Variants in KLHL12 observed in about 807,000 individuals in gnomAD.
The protein encoded by KLHL12 is kelch-like protein 12.
In KLHL12, 17 loss-of-function variants were observed where a neutral mutation model predicts 60.8. The observed-to-expected ratio is 0.28, with a 90% CI of 0.19 to 0.42. The LOEUF is 0.42. KLHL12 is among the 10% of genes least tolerant of loss of function. The probability of loss-of-function intolerance (pLI) is 1.00; values close to 1 mark genes in which losing one functional copy is unlikely to be tolerated. For synonymous variants in KLHL12, 220 were observed against 250.9 expected, an observed-to-expected ratio of 0.88 and a Z score of 1.16; for missense variants, 468 against 722.3, an observed-to-expected ratio of 0.65 and a Z score of 4.04.
chr1:202,914,445 T>A (rs1291493866), intron 4 of KLHL12, among the ~76,000 whole-genome samples: 2 of 152,238 alleles, frequency 1.3e-5, no homozygotes, highest in Admixed American at 6.5e-5. Flanking sequence ...AAAACTTTTA[T>A]ATGATTGGAA....
At position 202,891,945 on chromosome 1, in the gene KLHL12, G is replaced by T. The variant is rs1399689148; in HGVS notation, c.*588C>A. ...ACTTCAATTCTGATATACAAATCCTGACCTCCAAAAGAAGTGTCAGATGAG... is the reference window on the plus strand; with the variant it reads ...ACTTCAATTCTGATATACAAATCCTTACCTCCAAAAGAAGTGTCAGATGAG... On this transcript the variant is annotated 3_prime_UTR_variant, in exon 12 of 12. Transcript: ENST00000367261. 1 of 151,978 alleles carries T rather than the reference G, an allele frequency of 6.6e-6. No homozygotes were observed. Among genetic ancestry groups the T allele is most frequent in the Non-Finnish European group, 1.5e-5 (1 of 68,012 alleles). 9.4% of individuals were successfully genotyped at this position (151,978 alleles called of 1,614,324 possible).
At chr1:202,928,365 A>C, upstream of KLHL12, 1 of 476,608 alleles carries the variant, frequency 2.1e-6, no homozygotes, top group Non-Finnish European at 4.0e-6. Context: ...GAATGTATCT[A>C]CAGCTCGGCG....
intron 8 of KLHL12, 124 bp from the exon 9 acceptor site, chr1:202,894,873 G>T: frequency 1.3e-6 from 1 of 747,368 alleles, no homozygotes; most frequent in Non-Finnish European, 2.2e-6. Flanking sequence ...TTTTAAATGA[G>T]ATAAGTCAAT....
At chr1:202,913,167 G>C (rs1660416578) in intron 4 of KLHL12, among the ~76,000 whole-genome samples, 1 of 151,960 alleles carries the variant, frequency 6.6e-6, no homozygotes, top group Non-Finnish European at 1.5e-5. Flanking sequence ...ATCATCTGGG[G>C]AACTTAGATC....
In KLHL12 at chr1:202,895,673, A is replaced by C. The variant is rs1659811939; in HGVS notation, c.984T>G (p.His328Gln). The C allele has an allele frequency of 6.2e-7, 1 of 1,614,218 alleles. No individual in the cohort carries two copies. The highest frequency in any genetic ancestry group is 8.5e-7 in the Non-Finnish European group (1 of 1,180,026). The change falls in exon 8 of 12, where the codon CAT (histidine) becomes CAG (glutamine). Residue 328 changes from histidine to glutamine, a missense_variant. Transcript: ENST00000367261. The surrounding 1 kb of genome is among the most constrained non-coding windows in gnomAD (Gnocchi z 4.2). ...AGCCACCAATGACGTAGATCCGGTCATGAAGGGACACTGAGGCCACATAAC... is the reference window on the plus strand; with the variant it reads ...AGCCACCAATGACGTAGATCCGGTCCTGAAGGGACACTGAGGCCACATAAC... ...KRRYVASVSL[H>Q]DRIYVIGGYD... is the part of the protein sequence containing the mutation.
At chr1:202,920,643 T>C (rs1318249105) in intron 2 of KLHL12, among the ~76,000 whole-genome samples, 2 of 152,106 alleles carry the variant, frequency 1.3e-5, no homozygotes, top group African/African-American at 4.8e-5. Context: ...CCCAAAGTGC[T>C]GGGATTACAG....
chr1:202,900,273 G>A (rs1185802497), intron 6 of KLHL12, among the ~76,000 whole-genome samples: 1 of 139,330 alleles, frequency 7.2e-6, no homozygotes, highest in Non-Finnish European at 1.5e-5. Context: ...GTCAGGCACA[G>A]TGGCTCATGA....
At chr1:202,927,936 C>T (rs2102469788), upstream of KLHL12, among the ~76,000 whole-genome samples, 1 of 145,690 alleles carries the variant, frequency 6.9e-6, no homozygotes, top group East Asian at 2.0e-4. Context: ...GCCGAGATCG[C>T]GCCATTGCAC....
At chr1:202,907,367 C>G (rs1660226726) in intron 6 of KLHL12, among the ~76,000 whole-genome samples, 1 of 150,452 alleles carries the variant, frequency 6.6e-6, no homozygotes, top group Admixed American at 6.6e-5. Context: ...TTTGGGAGGC[C>G]AAGGTGGGTG....
chr1:202,901,089 C>T (rs1363335724), intron 6 of KLHL12, among the ~76,000 whole-genome samples: 1 of 152,086 alleles, frequency 6.6e-6, no homozygotes, highest in Non-Finnish European at 1.5e-5. Context: ...GATATGATTT[C>T]ATTCAGGCAC....
At chr1:202,927,519 C>CAAAAAAG (rs1653649345), upstream of KLHL12, among the ~76,000 whole-genome samples, 1 of 52,814 alleles carries the variant, frequency 1.9e-5, no homozygotes, top group Non-Finnish European at 3.3e-5. Context: ...CCCGTTTCTA[C>CAAAAAAG]AAAAAAAAAA....
At position 202,912,397 on chromosome 1, in the gene KLHL12, G is replaced by A. The variant is rs563565559; in HGVS notation, c.568-1194C>T. ...GCTAGTGCTTCATCCAGCCAAAGAAGTCGAAGTGGTTCTGGAAACTTTGGT... is the reference window on the plus strand; with the variant it reads ...GCTAGTGCTTCATCCAGCCAAAGAAATCGAAGTGGTTCTGGAAACTTTGGT... On this transcript the variant is annotated intron_variant, in intron 4 of 11. Coordinates refer to ENST00000367261, the MANE Select transcript of KLHL12 (RefSeq NM_021633.4). The A allele has an allele frequency of 4.9e-5, 40 of 808,676 alleles. No individual in the cohort carries two copies. The African/African-American group carries it at 5.7e-4, about 11-fold the overall frequency. 50.1% of individuals were successfully genotyped at this position (808,676 alleles called of 1,614,324 possible). A position where few individuals can be genotyped will look rare whatever the true frequency, so the allele number is the denominator to read the frequency against.
Position 202,924,960 on chromosome 1 carries a change from C to T in KLHL12, c.195+8G>A, listed in dbSNP as rs1653453181. On this transcript the variant is annotated splice_region_variant and intron_variant, in intron 2 of 11. Coordinates refer to ENST00000367261, the MANE Select transcript of KLHL12 (RefSeq NM_021633.4). Reference sequence around the variant, plus strand: ...GTTTCATTTGTGTGGGGCTAATTTACCACTTACCTCACTAGTGAACATGGC... The same window carrying T: ...GTTTCATTTGTGTGGGGCTAATTTATCACTTACCTCACTAGTGAACATGGC... 15 of 1,611,720 alleles carry T rather than the reference C, an allele frequency of 9.3e-6. No homozygotes were observed. The highest frequency in any genetic ancestry group is 1.3e-5 in the Non-Finnish European group (15 of 1,178,544).
upstream of KLHL12, chr1:202,928,574 G>T: frequency 4.7e-6 from 6 of 1,282,898 alleles, no homozygotes; most frequent in South Asian, 3.7e-5. Context: ...TTTTCGGGCC[G>T]AACAACGCTG....
chr1:202,917,789 A>G (rs925147709), intron 4 of KLHL12, among the ~76,000 whole-genome samples: 1 of 152,206 alleles, frequency 6.6e-6, no homozygotes, highest in African/African-American at 2.4e-5. Context: ...AGCAAGAACT[A>G]TATTTACCCA....
intron 2 of KLHL12, among the ~76,000 whole-genome samples, chr1:202,922,354 T>G (rs1454306121): frequency 6.7e-6 from 1 of 148,852 alleles, no homozygotes; most frequent in Non-Finnish European, 1.5e-5. Context: ...GATCACAAGG[T>G]CAGGATATCG....
Position 202,911,147 on chromosome 1 carries a change from C to A in KLHL12, c.624G>T (p.Lys208Asn). Residue 208 changes from lysine (K) to asparagine (N), a missense_variant, in exon 5 of 12, where the codon AAG (lysine) becomes AAT (asparagine). Around this residue, in one of 4 missense-constraint regions of KLHL12, gnomAD observed 339 missense variants for 525.0 expected, o/e 0.65. Coordinates refer to ENST00000367261, the MANE Select transcript of KLHL12 (RefSeq NM_021633.4). ...EAVINWVKHA[K>N]KEREESLPNL... ...TAGGCAAGGATTCTTCCCGCTCTTT[C>A]TTGGCATGCTTCACCCAGTTGATGA... is the stretch of plus-strand genomic sequence containing the variant. 6.2e-7 allele frequency: 1 copy of A among 1,614,156 alleles called. No homozygotes were observed. Among genetic ancestry groups the A allele is most frequent in the South Asian group, 1.1e-5 (1 of 91,080 alleles).
chr1:202,925,540 T>C (rs1355203216), intron 1 of KLHL12, among the ~76,000 whole-genome samples: 2 of 152,168 alleles, frequency 1.3e-5, no homozygotes, highest in Non-Finnish European at 2.9e-5. Context: ...ACCGAAAATA[T>C]AAAATTTCTT....
chr1:202,911,607 T>C (rs778192190), intron 4 of KLHL12, among the ~76,000 whole-genome samples: 9 of 152,150 alleles, frequency 5.9e-5, no homozygotes, highest in Non-Finnish European at 1.0e-4. Flanking sequence ...TCTGTTGCCT[T>C]ATTCGAAGTC....
Sources: gnomAD v4.1 joint callset for allele counts (sites outside exome capture counted in the v4.1 genomes callset) on GRCh38, gnomAD v4.1.1 for gene constraint, gnomAD v4.1.1 regional missense constraint, Gnocchi (gnomAD v3.1) non-coding constraint, MANE v1.5 for transcripts, NCBI Gene and HGNC (gene_info 2026-07-23, HGNC 2026-07-21) for gene names.